The following NUP93 variants were observed in gnomAD, a reference collection of about 807,000 sequenced individuals.
The protein encoded by NUP93 is nucleoporin 93, also known as nuclear pore complex protein Nup93.
NUP93 carries 55 observed loss-of-function variants against 107.8 expected under a neutral mutation model. The ratio of observed to expected loss-of-function variants is 0.51; its 90% confidence interval spans 0.41 to 0.64. NUP93 has a LOEUF of 0.64. Among genes scored for constraint, NUP93 ranks in the 30% least tolerant of loss-of-function variants. The pLI, the probability that NUP93 is intolerant of heterozygous loss-of-function variation, is 0.00. For synonymous variants in NUP93, 390 were observed against 397.5 expected (o/e 0.98, Z 0.22); for missense variants, 937 against 1,044.7 (o/e 0.90, Z 1.42).
At chr16:56,737,622 C>CT (rs11362578) in intron 1 of NUP93, among the ~76,000 whole-genome samples, 97 of 147,184 alleles carry the variant, frequency 6.6e-4, no homozygotes, top group Admixed American at 1.0e-3. Flanking sequence ...TCATACGGTG[C>CT]TTTTTTTTTT....
chr16:56,832,357 A>G lies in NUP93; in HGVS notation c.1314A>G (p.Ser438=). The change falls in exon 12 of 22, where the codon TCA becomes TCG. Residue 438 remains serine (S), a synonymous_variant. Coordinates refer to ENST00000308159, the MANE Select transcript of NUP93 (RefSeq NM_014669.5). ...CCCCACAAGACAGGCTCACTCTCTC[A>G]CAGTTCCAGAAGCAGTTGTTGGAAG... The part of the protein sequence containing the change: ...TSSPQDRLTL[S]QFQKQLLEDY... 6.2e-7 allele frequency: 1 copy of G among 1,614,038 alleles called. No homozygotes were observed. The highest frequency in any genetic ancestry group is 8.5e-7 in the Non-Finnish European group (1 of 1,179,888).
intron 4 of NUP93, among the ~76,000 whole-genome samples, chr16:56,802,208 T>C (rs1963035434): frequency 1.3e-5 from 2 of 152,176 alleles, no homozygotes; most frequent in African/African-American, 4.8e-5. Flanking sequence ...AGGAGGCAGT[T>C]GGTTTGACCA....
intron 2 of NUP93, among the ~76,000 whole-genome samples, chr16:56,752,498 A>C (rs1371801237): frequency 6.6e-6 from 1 of 152,178 alleles, no homozygotes; most frequent in Admixed American, 6.5e-5. Context: ...TTAGTACTCT[A>C]TCATTTGTAT....
intron 1 of NUP93, among the ~76,000 whole-genome samples, chr16:56,743,377 C>A (rs2144447237): frequency 6.6e-6 from 1 of 152,274 alleles, no homozygotes; most frequent in East Asian, 1.9e-4. Context: ...GAAGTTTGGC[C>A]AGCCCTTGGT....
chr16:56,818,136 A>C (rs914991245), intron 5 of NUP93, among the ~76,000 whole-genome samples: 2 of 152,208 alleles, frequency 1.3e-5, no homozygotes, highest in African/African-American at 2.4e-5. Flanking sequence ...TGAATGTCCA[A>C]CTTGCCCTGG....
intron 7 of NUP93, among the ~76,000 whole-genome samples, chr16:56,822,667 T>G (rs1963572737): frequency 6.6e-6 from 1 of 151,134 alleles, no homozygotes; most frequent in Non-Finnish European, 1.5e-5. Flanking sequence ...TTCAAGCGAT[T>G]CTCCTACCTC....
chr16:56,829,378 C>T (rs912880111), intron 9 of NUP93, among the ~76,000 whole-genome samples: 1 of 152,156 alleles, frequency 6.6e-6, no homozygotes, highest in Non-Finnish European at 1.5e-5. Context: ...ATAGGACTTG[C>T]TGAAGAACAT....
rs1427064143 is a variant in NUP93 at position 56,803,050 on chromosome 16, G to A, written c.361-2454G>A. On this transcript the variant is annotated intron_variant, in intron 4 of 21. Transcript: ENST00000308159. ...AGCTACCTGCAACTACCAGTAGACA[G>A]TAGCTTTTCAGTAACTTTGAGTAGC... 5.3e-5 allele frequency among the ~76,000 whole-genome samples: 8 copies of A among 150,374 alleles called. No individual in the cohort carries two copies. In the Admixed American group the frequency reaches 5.4e-4, roughly 10 times the overall value.
Position 56,834,447 on chromosome 16 carries a change from G to A in NUP93, c.1737+5G>A, listed in dbSNP as rs370066706. On this transcript the variant is annotated splice_donor_5th_base_variant and intron_variant, in intron 15 of 21. Transcript: ENST00000308159. Reference sequence around the variant, plus strand: ...CTTGTGATTGAAAGCCGAGAGGTGAGTGGGTTTCCTTTTCTCTCCTCCCCA... The same window carrying A: ...CTTGTGATTGAAAGCCGAGAGGTGAATGGGTTTCCTTTTCTCTCCTCCCCA... 2 of 1,614,090 alleles carry A rather than the reference G, an allele frequency of 1.2e-6. No individual in the cohort carries two copies. Among genetic ancestry groups the A allele is most frequent in the South Asian group, 1.1e-5 (1 of 91,078 alleles).
intron 3 of NUP93, among the ~76,000 whole-genome samples, chr16:56,774,733 A>G (rs1212859174): frequency 6.6e-6 from 1 of 152,164 alleles, no homozygotes; most frequent in Non-Finnish European, 1.5e-5. Flanking sequence ...CTCATTTCGC[A>G]GATGAAGAAA....
Position 56,772,856 on chromosome 16 carries a change from G to A in NUP93, c.297+14201G>A, listed in dbSNP as rs559937824. On this transcript the variant is annotated intron_variant, in intron 3 of 21. Coordinates refer to ENST00000308159, the MANE Select transcript of NUP93 (RefSeq NM_014669.5). ...TGACTCAGCTTGGTATTGAGGGCCT[G>A]TAAGAGTTTTCTGTTACAGTACTGT... 2.1e-4 allele frequency among the ~76,000 whole-genome samples: 32 copies of A among 152,316 alleles called. No individual in the cohort carries two copies. In the South Asian group the frequency reaches 6.4e-3, roughly 31 times the overall value.
intron 3 of NUP93, among the ~76,000 whole-genome samples, chr16:56,785,727 T>TAA (rs1164821661): frequency 6.6e-6 from 1 of 152,178 alleles, no homozygotes; most frequent in African/African-American, 2.4e-5. Context: ...TGAAGACACC[T>TAA]TTAGGAGCAC....
chr16:56,836,541 A>G lies in NUP93; in HGVS notation c.1783-60A>G, dbSNP rs569083132. Reference sequence around the variant, plus strand: ...GATCCTAATTGCTTCTCTGTGTTTAAAATAATAGCTCTGTGCACCCGTCTC... The same window carrying G: ...GATCCTAATTGCTTCTCTGTGTTTAGAATAATAGCTCTGTGCACCCGTCTC... On this transcript the variant is annotated intron_variant, in intron 16 of 21. Transcript: ENST00000308159. 2.4e-5 allele frequency: 25 copies of G among 1,023,350 alleles called. No individual in the cohort carries two copies. The South Asian group carries it at 3.5e-4, about 14-fold the overall frequency. 63.4% of individuals were successfully genotyped at this position (1,023,350 alleles called of 1,614,324 possible). A position where few individuals can be genotyped will look rare whatever the true frequency, so the allele number is the denominator to read the frequency against.
chr16:56,841,341 T>G (rs750917306), intron 20 of NUP93, among the ~76,000 whole-genome samples: 2 of 147,220 alleles, frequency 1.4e-5, no homozygotes, highest in Non-Finnish European at 3.0e-5. Flanking sequence ...AAGTAGCGTG[T>G]GCACCTGTAC....
chr16:56,794,111 T>C (rs911260918), intron 3 of NUP93, among the ~76,000 whole-genome samples: 3 of 152,080 alleles, frequency 2.0e-5, no homozygotes, highest in Non-Finnish European at 2.9e-5. Flanking sequence ...GATAGATAGA[T>C]AGATAGATAG....
intron 1 of NUP93, among the ~76,000 whole-genome samples, chr16:56,740,162 G>A (rs1357101100): frequency 6.3e-4 from 86 of 137,152 alleles, no homozygotes; most frequent in South Asian, 2.7e-3. Flanking sequence ...GGTGGCTGCC[G>A]GGCGGAGACG....
At chr16:56,746,551 G>A (rs1961823661) in intron 1 of NUP93, among the ~76,000 whole-genome samples, 1 of 152,208 alleles carries the variant, frequency 6.6e-6, no homozygotes, top group Non-Finnish European at 1.5e-5. Context: ...GTGTCTTTAT[G>A]TTTACTCCAG....
chr16:56,807,693 A>AT (rs1567397732), intron 5 of NUP93, among the ~76,000 whole-genome samples: 4 of 152,084 alleles, frequency 2.6e-5, no homozygotes, highest in African/African-American at 9.7e-5. Flanking sequence ...CTAAGTTGAA[A>AT]TTTTTTTCCC....
At chr16:56,810,987 A>G (rs1354260561) in intron 5 of NUP93, among the ~76,000 whole-genome samples, 2 of 152,226 alleles carry the variant, frequency 1.3e-5, no homozygotes, top group Non-Finnish European at 2.9e-5. Flanking sequence ...TCTCATGGCT[A>G]AACAGTATAA....
Sources: allele counts gnomAD v4.1 joint callset (sites outside exome capture counted in the v4.1 genomes callset), GRCh38; gene constraint gnomAD v4.1.1; transcripts MANE v1.5; gene names NCBI Gene and HGNC (gene_info 2026-07-23, HGNC 2026-07-21).